CSRNP3: variants seen among roughly 807,000 people sequenced by gnomAD.
CSRNP3 encodes the protein cysteine/serine-rich nuclear protein 3.
CSRNP3 carries 12 observed loss-of-function variants against 48.0 expected under a neutral mutation model. That is an observed-to-expected ratio of 0.25 (90% CI 0.16 to 0.41). The LOEUF (loss-of-function observed/expected upper bound fraction) is 0.41, where lower values mean the gene tolerates loss of function less well. CSRNP3 is among the 10% of genes least tolerant of loss of function. The probability of loss-of-function intolerance (pLI) is 1.00; values close to 1 mark genes in which losing one functional copy is unlikely to be tolerated. For synonymous variants in CSRNP3, 263 were observed against 269.7 expected (o/e 0.98, Z 0.24); for missense variants, 580 against 724.4 (o/e 0.80, Z 2.29).
chr2:165,567,959 A>G (rs189480596), intron 3 of CSRNP3, among the ~76,000 whole-genome samples: 113 of 152,260 alleles, frequency 7.4e-4, no homozygotes, highest in Middle Eastern at 6.8e-3. Context: ...TACTGAATCT[A>G]TGTAACAAAA....
chr2:165,487,773 C>T (rs1684142487), intron 1 of CSRNP3, among the ~76,000 whole-genome samples: 1 of 150,312 alleles, frequency 6.7e-6, no homozygotes, highest in African/African-American at 2.5e-5. Context: ...CCAGGCCTGC[C>T]CTAAAAGAAC....
intron 1 of CSRNP3, among the ~76,000 whole-genome samples, chr2:165,470,086 A>T (rs1256915191): frequency 6.6e-6 from 1 of 152,162 alleles, no homozygotes; most frequent in Non-Finnish European, 1.5e-5. Context: ...TAGGAATCGC[A>T]GGAAGGATGA....
intron 5 of CSRNP3, among the ~76,000 whole-genome samples, chr2:165,659,236 G>A (rs1020702580): frequency 1.3e-5 from 2 of 152,128 alleles, no homozygotes; most frequent in African/African-American, 4.8e-5. Flanking sequence ...AGGGAGAGAG[G>A]TGACAGTAGG....
intron 3 of CSRNP3, among the ~76,000 whole-genome samples, chr2:165,549,656 G>A (rs1279300404): frequency 3.9e-5 from 6 of 152,012 alleles, no homozygotes; most frequent in Non-Finnish European, 8.8e-5. Context: ...ACTCAAACTG[G>A]GAAGAATTGA....
intron 4 of CSRNP3, among the ~76,000 whole-genome samples, chr2:165,627,916 C>T (rs1046230597): frequency 1.3e-5 from 2 of 152,196 alleles, no homozygotes; most frequent in Non-Finnish European, 2.9e-5. Context: ...TGAACCCATT[C>T]TTCAGTAGAC....
At chr2:165,482,996 T>C (rs553567882) in intron 1 of CSRNP3, among the ~76,000 whole-genome samples, 1 of 151,994 alleles carries the variant, frequency 6.6e-6, no homozygotes, top group South Asian at 2.1e-4. Context: ...GTTCTTGCAG[T>C]GGCAGGAGAG....
At chr2:165,495,824 G>A (rs1211480610) in intron 2 of CSRNP3, among the ~76,000 whole-genome samples, 1 of 151,898 alleles carries the variant, frequency 6.6e-6, no homozygotes, top group Non-Finnish European at 1.5e-5. Flanking sequence ...TTCAAGAGAG[G>A]CTGTTTTCAC....
intron 1 of CSRNP3, among the ~76,000 whole-genome samples, chr2:165,489,966 G>T (rs926186532): frequency 5.3e-5 from 8 of 151,922 alleles, no homozygotes; most frequent in Admixed American, 2.0e-4. Context: ...GGCAGGAGAA[G>T]AAAATAAAAG....
chr2:165,647,612 C>T (rs1430933725), intron 4 of CSRNP3, among the ~76,000 whole-genome samples: 1 of 152,160 alleles, frequency 6.6e-6, no homozygotes, highest in Non-Finnish European at 1.5e-5. Flanking sequence ...CAGATAGTCC[C>T]TGACTCCTTA....
chr2:165,527,211 T>C (rs1684743822), intron 3 of CSRNP3, among the ~76,000 whole-genome samples: 1 of 143,588 alleles, frequency 7.0e-6, no homozygotes, highest in Non-Finnish European at 1.5e-5. Flanking sequence ...TTTTTTTTTT[T>C]TTTTTTTTTT....
intron 5 of CSRNP3, among the ~76,000 whole-genome samples, chr2:165,668,711 T>C (rs1687278036): frequency 6.6e-6 from 1 of 152,176 alleles, no homozygotes; most frequent in Non-Finnish European, 1.5e-5. Flanking sequence ...ATATCCTTTA[T>C]TTCTGAGTGA....
intron 3 of CSRNP3, among the ~76,000 whole-genome samples, chr2:165,592,487 G>A (rs960403006): frequency 1.3e-5 from 2 of 152,142 alleles, no homozygotes; most frequent in African/African-American, 2.4e-5. Context: ...GGGGTCACAG[G>A]CAGAATGATT....
intron 1 of CSRNP3, among the ~76,000 whole-genome samples, chr2:165,471,988 T>C (rs1310937980): frequency 6.6e-6 from 1 of 152,050 alleles, no homozygotes; most frequent in Admixed American, 6.6e-5. Context: ...TTTTTTCCTT[T>C]GGTACAAACA....
At chr2:165,492,078 A>C (rs964415633) in intron 1 of CSRNP3, among the ~76,000 whole-genome samples, 3 of 151,338 alleles carry the variant, frequency 2.0e-5, no homozygotes, top group Admixed American at 6.6e-5. Context: ...TTATTCCCCA[A>C]CTCCCACCCC....
At position 165,589,946 on chromosome 2, in the gene CSRNP3, T is replaced by C. The variant is rs112307530; in HGVS notation, c.-23-5097T>C. On this transcript the variant is annotated intron_variant, in intron 3 of 6. Coordinates refer to ENST00000651982, the MANE Select transcript of CSRNP3 (RefSeq NM_001172173.2). ...ATTGCAATATCTTATTATAAAAATGTACTTTTTAAACATAGGTTTCCATCT... is the reference window on the plus strand; with the variant it reads ...ATTGCAATATCTTATTATAAAAATGCACTTTTTAAACATAGGTTTCCATCT... Among the ~76,000 whole-genome samples the C allele has an allele frequency of 4.9e-3, 750 of 152,350 alleles. 7 individuals are homozygous for C. The highest frequency in any genetic ancestry group is 8.7e-3 in the Non-Finnish European group (592 of 68,030).
chr2:165,485,146 G>A (rs1268202100), intron 1 of CSRNP3, among the ~76,000 whole-genome samples: 6 of 152,024 alleles, frequency 3.9e-5, no homozygotes, highest in African/African-American at 4.8e-5. Context: ...TGTGTCTATC[G>A]GAAACTAAGG....
intron 3 of CSRNP3, among the ~76,000 whole-genome samples, chr2:165,523,562 T>C (rs1046044184): frequency 2.0e-5 from 3 of 152,202 alleles, no homozygotes; most frequent in Non-Finnish European, 2.9e-5. Context: ...AGCCCTTATC[T>C]TGACTGATTC....
At chr2:165,632,429 A>G (rs533995282) in intron 4 of CSRNP3, among the ~76,000 whole-genome samples, 1 of 152,252 alleles carries the variant, frequency 6.6e-6, no homozygotes, top group African/African-American at 2.4e-5. Flanking sequence ...GAATTGCTTG[A>G]GCCCAGGAGT....
intron 2 of CSRNP3, among the ~76,000 whole-genome samples, chr2:165,498,022 G>A (rs543096244): frequency 6.5e-4 from 99 of 152,176 alleles, no homozygotes; most frequent in African/African-American, 2.4e-3. Context: ...CAAATTCAAT[G>A]AGCTAAATGA....
Sources: allele counts gnomAD v4.1 joint callset (sites outside exome capture counted in the v4.1 genomes callset), GRCh38; gene constraint gnomAD v4.1.1; transcripts MANE v1.5; gene names NCBI Gene and HGNC (gene_info 2026-07-23, HGNC 2026-07-21).